NLRP3: variants seen among roughly 807,000 people sequenced by gnomAD.
NLRP3 encodes NACHT, LRR and PYD domains-containing protein 3.
A neutral mutation model predicts 91.3 loss-of-function variants in NLRP3; 48 were observed. That is an observed-to-expected ratio of 0.53 (90% CI 0.42 to 0.67). The LOEUF (loss-of-function observed/expected upper bound fraction) is 0.67. Ranked by LOEUF, NLRP3 falls within the 30% of genes least tolerant of loss-of-function variation. The pLI, the probability that NLRP3 is intolerant of heterozygous loss-of-function variation, is 0.00. For synonymous variants in NLRP3, 561 were observed against 507.9 expected (o/e 1.10, Z -1.41); for missense variants, 982 against 1,276.9 (o/e 0.77, Z 3.52).
rs192527791 is a variant in NLRP3, at chr1:247,446,548, T to C, written c.3005+1727T>C. On this transcript the variant is annotated intron_variant, in intron 9 of 9. Transcript: ENST00000336119. ...CACTGTCATCTCTGGATTTTTGCACTTGCTTTTCTTCTGGCCTAGAACTCT... is the reference window on the plus strand; with the variant it reads ...CACTGTCATCTCTGGATTTTTGCACCTGCTTTTCTTCTGGCCTAGAACTCT... Among the ~76,000 whole-genome samples, 19 of 152,308 alleles carry C rather than the reference T, an allele frequency of 1.2e-4. 1 individual carries two copies. The highest frequency in any genetic ancestry group is 1.2e-3 in the Admixed American group (18 of 15,296).
chr1:247,420,307 A>G (rs1280612421), intron 2 of NLRP3, among the ~76,000 whole-genome samples: 1 of 152,164 alleles, frequency 6.6e-6, no homozygotes, highest in Non-Finnish European at 1.5e-5. Context: ...TATTCTAGAT[A>G]TTAACCCCAT....
chr1:247,438,211 A>G lies in NLRP3; in HGVS notation c.2663+2071A>G, dbSNP rs1209434647. ...CTTCCCAGTCCTTACTTTAGTTGAC[A>G]TCTGCTGCCTTTAATTCATTTCACT... On this transcript the variant is annotated intron_variant, in intron 7 of 9. Transcript: ENST00000336119. Among the ~76,000 whole-genome samples the G allele has an allele frequency of 5.3e-5, 8 of 152,052 alleles. No individual in the cohort carries two copies. In the South Asian group the frequency reaches 1.5e-3, roughly 28 times the overall value.
intron 2 of NLRP3, 49 bp downstream of exon 2, chr1:247,419,126 G>T: frequency 2.0e-6 from 3 of 1,522,734 alleles, no homozygotes; most frequent in Non-Finnish European, 2.7e-6. Context: ...AGTGCACATA[G>T]TGTACAATTT....
chr1:247,422,766 A>G (rs1427255532), intron 2 of NLRP3, among the ~76,000 whole-genome samples: 1 of 152,236 alleles, frequency 6.6e-6, no homozygotes, highest in Non-Finnish European at 1.5e-5. Context: ...CCAGACATCT[A>G]GACTTGACAA....
chr1:247,416,831 C>T (rs1662103283), intron 1 of NLRP3, among the ~76,000 whole-genome samples: 1 of 152,178 alleles, frequency 6.6e-6, no homozygotes, highest in Non-Finnish European at 1.5e-5. Context: ...TCTGAGGCAT[C>T]TTGACATTGA....
chr1:247,436,241 G>T, intron 7 of NLRP3, 101 bp downstream of exon 7: 1 of 1,128,718 alleles, frequency 8.9e-7, no homozygotes, highest in Non-Finnish European at 1.3e-6. Flanking sequence ...CAGAGCTGAA[G>T]GTAGAGTAAG....
chr1:247,429,145 G>A (rs957003806), intron 4 of NLRP3, among the ~76,000 whole-genome samples: 7 of 152,132 alleles, frequency 4.6e-5, no homozygotes, highest in Admixed American at 3.3e-4. Context: ...TGCCCGCCTC[G>A]GCCTCCCAAA....
At position 247,444,106 on chromosome 1, in the gene NLRP3, G is replaced by T. The variant is rs1664431304; in HGVS notation, c.2798G>T (p.Gly933Val). The change falls in exon 8 of 10, where the codon GGA (glycine) becomes GTA (valine). Residue 933 changes from glycine to valine, a missense_variant. This residue lies in a region of NLRP3 where 373 missense variants were observed against 431.5 expected (regional missense o/e 0.86). Coordinates refer to ENST00000336119, the MANE Select transcript of NLRP3 (RefSeq NM_001243133.2). ...GDKGIKLLCE[G>V]LLHPDCKLQV... ...AAGGGGATCAAACTACTCTGTGAGGGACTCTTGCACCCCGACTGCAAGCTT... is the reference window on the plus strand; with the variant it reads ...AAGGGGATCAAACTACTCTGTGAGGTACTCTTGCACCCCGACTGCAAGCTT... 6.2e-7 allele frequency: 1 copy of T among 1,614,074 alleles called. No homozygotes were observed. The highest frequency in any genetic ancestry group is 1.3e-5 in the African/African-American group (1 of 74,926).
At position 247,424,160 on chromosome 1, in the gene NLRP3, G is replaced by T. The variant is rs2103106750; in HGVS notation, c.711G>T (p.Met237Ile). ...GIGKTILARKMMLDWASGTLY... is the reference protein window; with the variant it reads ...GIGKTILARKIMLDWASGTLY... ...GGAAAACAATCCTGGCCAGGAAGATGATGTTGGACTGGGCGTCGGGGACAC... is the reference window on the plus strand; with the variant it reads ...GGAAAACAATCCTGGCCAGGAAGATTATGTTGGACTGGGCGTCGGGGACAC... Residue 237 changes from methionine to isoleucine, a missense_variant, in exon 4 of 10, where the codon ATG becomes ATT. By Grantham distance (10) the Met-to-Ile change is conservative (BLOSUM62 1). Transcript: ENST00000336119. This position sits in a 1 kb window ranked among gnomAD's most constrained non-coding sequence, Gnocchi z 8.1. 6.2e-7 allele frequency: 1 copy of T among 1,614,100 alleles called. No individual in the cohort carries two copies. The highest frequency in any genetic ancestry group is 8.5e-7 in the Non-Finnish European group (1 of 1,180,008).
chr1:247,426,416 T>A (rs1036317762), intron 4 of NLRP3, among the ~76,000 whole-genome samples: 1 of 152,186 alleles, frequency 6.6e-6, no homozygotes, highest in Admixed American at 6.5e-5. Flanking sequence ...CAGTGCCTCC[T>A]GCAGAAGGAC....
Position 247,423,916 on chromosome 1 carries a change from TG to T in NLRP3, c.470del (p.Gly157ValfsTer4). On this transcript the variant is annotated frameshift_variant, in exon 4 of 10. Transcript: ENST00000336119. LOFTEE classifies it high-confidence loss of function. ...FQCIEDRNARLGESVSLNKRY... is the reference protein window; with the variant it reads ...FQCIEDRNARXGESVSLNKRY... ...TGCATTGAAGACAGGAATGCCCGTC[TG>T]GGTGAGAGTGTGAGCCTCAACAAAC... The T allele has an allele frequency of 6.2e-7, 1 of 1,614,096 alleles. No individual in the cohort carries two copies. Among genetic ancestry groups the T allele is most frequent in the Non-Finnish European group, 8.5e-7 (1 of 1,180,014 alleles).
intron 5 of NLRP3, among the ~76,000 whole-genome samples, chr1:247,430,543 T>TG (rs970284413): frequency 6.6e-5 from 10 of 151,918 alleles, no homozygotes; most frequent in Non-Finnish European, 7.4e-5. Context: ...TGTAAATTTT[T>TG]GGGGGGGCAC....
chr1:247,424,347 G>C lies in NLRP3; in HGVS notation c.898G>C (p.Asp300His), dbSNP rs1662700271. ...ACCCTCCAGAATCCTCTTCCTCATG[G>C]ACGGCTTCGATGAGCTGCAAGGTGC... ...RKPSRILFLM[D>H]GFDELQGAFD... is the part of the protein sequence containing the mutation. Residue 300 changes from aspartate (D) to histidine (H), a missense_variant, in exon 4 of 10, where the codon GAC (aspartate) becomes CAC (histidine). Around this residue, in one of 5 missense-constraint regions of NLRP3, gnomAD observed 548 missense variants for 713.7 expected, o/e 0.77. Coordinates refer to ENST00000336119, the MANE Select transcript of NLRP3 (RefSeq NM_001243133.2). This position sits in a 1 kb window ranked among gnomAD's most constrained non-coding sequence, Gnocchi z 8.1. 6.2e-7 allele frequency: 1 copy of C among 1,614,110 alleles called. No individual in the cohort carries two copies. The highest frequency in any genetic ancestry group is 1.7e-5 in the Admixed American group (1 of 60,012).
chr1:247,420,728 T>G (rs1373986946), intron 2 of NLRP3, among the ~76,000 whole-genome samples: 1 of 128,284 alleles, frequency 7.8e-6, no homozygotes, highest in African/African-American at 3.0e-5. Flanking sequence ...AAAAAAAATT[T>G]TTTTTTCTTG....
In NLRP3 at chr1:247,424,083, G is replaced by A; in HGVS notation, c.634G>A (p.Glu212Lys). The A allele has an allele frequency of 6.2e-7, 1 of 1,614,116 alleles. No homozygotes were observed. The highest frequency in any genetic ancestry group is 8.5e-7 in the Non-Finnish European group (1 of 1,180,036). Residue 212 changes from glutamate to lysine, a missense_variant, in exon 4 of 10, where the codon GAG becomes AAG. Transcript: ENST00000336119. The surrounding 1 kb of genome is among the most constrained non-coding windows in gnomAD (Gnocchi z 8.1). ...GGAGTTGCTGTTTGACCCCGATGAT[G>A]AGCATTCTGAGCCTGTGCACACCGT... The part of the protein sequence containing the change: ...KMELLFDPDD[E>K]HSEPVHTVVF...
At chr1:247,420,235 G>A (rs746810689) in intron 2 of NLRP3, among the ~76,000 whole-genome samples, 2 of 152,094 alleles carry the variant, frequency 1.3e-5, no homozygotes, top group Non-Finnish European at 2.9e-5. Flanking sequence ...TTCTGTTCAA[G>A]TTCTTTTCTC....
intron 4 of NLRP3, among the ~76,000 whole-genome samples, chr1:247,428,275 G>A (rs111557900): frequency 1.3e-5 from 2 of 150,736 alleles, no homozygotes; most frequent in East Asian, 3.9e-4. Flanking sequence ...TCTGACTGGA[G>A]CCCTGGTAGG....
intron 6 of NLRP3, among the ~76,000 whole-genome samples, chr1:247,435,108 C>T (rs548121135): frequency 6.6e-6 from 1 of 152,182 alleles, no homozygotes; most frequent in African/African-American, 2.4e-5. Flanking sequence ...AAAAATTAGC[C>T]AGGCATGGTG....
Position 247,418,502 on chromosome 1 carries a change from A to G in NLRP3, c.-299A>G, listed in dbSNP as rs941402867. 1 of 398,234 alleles carries G rather than the reference A, an allele frequency of 2.5e-6. No homozygotes were observed. Among genetic ancestry groups the G allele is most frequent in the Non-Finnish European group, 4.8e-6 (1 of 210,120 alleles). The allele number at this position is 398,234 out of a possible 1,614,324, so 24.7% of individuals were successfully genotyped here. A position where few individuals can be genotyped will look rare whatever the true frequency, so the allele number is the denominator to read the frequency against. On this transcript the variant is annotated 5_prime_UTR_variant, in exon 2 of 10. The change abolishes an upstream ATG in the 5' untranslated region. Transcript: ENST00000336119. Reference sequence around the variant, plus strand: ...CTTTTAGTAGAGACACAGTTTTGCCATGTTGGCCAGGCTGGTCTTGAATTC... The same window carrying G: ...CTTTTAGTAGAGACACAGTTTTGCCGTGTTGGCCAGGCTGGTCTTGAATTC...
Sources: allele counts gnomAD v4.1 joint callset (sites outside exome capture counted in the v4.1 genomes callset), GRCh38; gene constraint gnomAD v4.1.1; regional missense constraint gnomAD v4.1.1; non-coding constraint Gnocchi (gnomAD v3.1); transcripts MANE v1.5; gene names NCBI Gene and HGNC (gene_info 2026-07-23, HGNC 2026-07-21).